Variants in NFIB observed in about 807,000 individuals in gnomAD.
NFIB encodes the protein nuclear factor 1 B-type.
NFIB carries 11 observed loss-of-function variants against 61.5 expected under a neutral mutation model. The observed-to-expected ratio is 0.18, with a 90% CI of 0.11 to 0.30. NFIB has a LOEUF of 0.30. Ranked by LOEUF, NFIB falls within the 10% of genes least tolerant of loss-of-function variation. The pLI is 1.00. For missense variants in NFIB, 471 were observed against 608.9 expected, an observed-to-expected ratio of 0.77 and a Z score of 2.38; for synonymous variants, 260 against 216.5, an observed-to-expected ratio of 1.20 and a Z score of -1.76.
At chr9:14,099,513 C>A (rs73409955) in intron 10 of NFIB, among the ~76,000 whole-genome samples, 3,257 of 152,188 alleles carry the variant, frequency 0.021, 128 homozygotes, top group African/African-American at 0.074. Context: ...ATCATGCCAC[C>A]GACAAGGGCT....
At chr9:14,368,502 G>T (rs969311146) in intron 1 of NFIB, among the ~76,000 whole-genome samples, 3 of 152,228 alleles carry the variant, frequency 2.0e-5, no homozygotes, top group African/African-American at 7.2e-5. Context: ...CAGGCAGACT[G>T]GTTACGGTGC....
At chr9:14,521,721 C>G in the NFIB span, among the ~76,000 whole-genome samples, 2 of 152,234 alleles carry the variant, frequency 1.3e-5, no homozygotes, top group East Asian at 3.9e-4. Context: ...CAAAGAAGCA[C>G]CTTTTGGGAC....
chr9:14,371,667 A>C (rs527953819), intron 1 of NFIB, among the ~76,000 whole-genome samples: 112 of 152,338 alleles, frequency 7.4e-4, no homozygotes, highest in African/African-American at 2.3e-3. Flanking sequence ...ATAGGTTTTT[A>C]CTTTCCCTTG....
chr9:14,280,436 G>A (rs1017312554), intron 2 of NFIB, among the ~76,000 whole-genome samples: 3 of 152,056 alleles, frequency 2.0e-5, no homozygotes, highest in Admixed American at 2.0e-4. Flanking sequence ...GCCTTACCAA[G>A]GAGGACCTAT....
chr9:14,271,990 G>T (rs1293458452), intron 2 of NFIB, among the ~76,000 whole-genome samples: 2 of 152,134 alleles, frequency 1.3e-5, no homozygotes. Context: ...TGAAGTTATT[G>T]CATTTCCTAA....
At chr9:14,295,610 T>G (rs1048195881) in intron 2 of NFIB, among the ~76,000 whole-genome samples, 11 of 150,602 alleles carry the variant, frequency 7.3e-5, no homozygotes, top group South Asian at 4.2e-4. Context: ...CAGCCTGGGC[T>G]ACCCAGCCAG....
intron 2 of NFIB, among the ~76,000 whole-genome samples, chr9:14,229,605 GGAA>G (rs539959042): frequency 6.6e-6 from 1 of 152,084 alleles, no homozygotes; most frequent in Non-Finnish European, 1.5e-5. Flanking sequence ...TTTCTGCTGA[GGAA>G]GAAGAAGAAA....
the NFIB span, among the ~76,000 whole-genome samples, chr9:14,487,255 T>C: frequency 1.3e-5 from 2 of 152,224 alleles, no homozygotes; most frequent in South Asian, 2.1e-4. Context: ...AAGAAATAAA[T>C]GGTTACGGTA....
chr9:14,529,287 A>T, the NFIB span, among the ~76,000 whole-genome samples: 2 of 152,178 alleles, frequency 1.3e-5, no homozygotes, highest in Non-Finnish European at 2.9e-5. Flanking sequence ...TCTAACTGAA[A>T]CAGACAATAA....
intron 2 of NFIB, among the ~76,000 whole-genome samples, chr9:14,231,994 G>C (rs1219483350): frequency 6.6e-6 from 1 of 152,166 alleles, no homozygotes; most frequent in Non-Finnish European, 1.5e-5. Flanking sequence ...AAAGAAACAA[G>C]GTCTTCGCCA....
intron 10 of NFIB, among the ~76,000 whole-genome samples, chr9:14,097,629 C>T (rs911495806): frequency 6.6e-6 from 1 of 152,026 alleles, no homozygotes; most frequent in Non-Finnish European, 1.5e-5. Flanking sequence ...ACACTACATA[C>T]ACACACACAT....
At chr9:14,344,809 G>A (rs141729255) in intron 1 of NFIB, among the ~76,000 whole-genome samples, 34 of 152,122 alleles carry the variant, frequency 2.2e-4, no homozygotes, top group African/African-American at 8.0e-4. Context: ...AGCAAATGAA[G>A]GGCATACATA....
intron 1 of NFIB, among the ~76,000 whole-genome samples, chr9:14,358,655 A>G (rs1330672062): frequency 6.6e-6 from 1 of 152,162 alleles, no homozygotes; most frequent in Non-Finnish European, 1.5e-5. Context: ...TCTAAAAGAA[A>G]CCACACACCC....
In NFIB at chr9:14,307,314, T is replaced by C; in HGVS notation, c.237A>G (p.Lys79=). 1 of 1,613,974 alleles carries C rather than the reference T, an allele frequency of 6.2e-7. No homozygotes were observed. Among genetic ancestry groups the C allele is most frequent in the Non-Finnish European group, 8.5e-7 (1 of 1,179,954 alleles). ...KQKWASRLLA[K]LRKDIRQEYR... Reference sequence around the variant, plus strand: ...ACTCCTGGCGAATATCTTTGCGCAGTTTGGCAAGGAGCCTGGATGCCCACT... The same window carrying C: ...ACTCCTGGCGAATATCTTTGCGCAGCTTGGCAAGGAGCCTGGATGCCCACT... Residue 79 remains lysine (K), a synonymous_variant, in exon 2 of 11, where the codon AAA becomes AAG. Transcript: ENST00000380953. The surrounding 1 kb of genome is among the most constrained non-coding windows in gnomAD (Gnocchi z 5.3).
rs1001757709 is a variant in NFIB at position 14,142,422 on chromosome 9, T to C, written c.925+4267A>G. On this transcript the variant is annotated intron_variant, in intron 6 of 10. Transcript: ENST00000380953. Reference sequence around the variant, plus strand: ...CCAATAAACCTCTTCCTTTTGTAAATTGCCCAGTCTCAAGTAGGTCTTTAT... The same window carrying C: ...CCAATAAACCTCTTCCTTTTGTAAACTGCCCAGTCTCAAGTAGGTCTTTAT... 5.9e-5 allele frequency among the ~76,000 whole-genome samples: 9 copies of C among 152,254 alleles called. No individual in the cohort carries two copies. The East Asian group carries it at 7.7e-4, about 13-fold the overall frequency.
intron 1 of NFIB, among the ~76,000 whole-genome samples, chr9:14,379,282 T>C (rs892610907): frequency 2.0e-5 from 3 of 152,218 alleles, no homozygotes; most frequent in Admixed American, 2.0e-4. Flanking sequence ...GAAGCTTGAC[T>C]GAGCAGGAGT....
chr9:14,294,318 T>C (rs1052606476), intron 2 of NFIB, among the ~76,000 whole-genome samples: 56 of 152,344 alleles, frequency 3.7e-4, no homozygotes, highest in African/African-American at 9.9e-4. Context: ...TAAAGAAATA[T>C]GCAAGCATCT....
At chr9:14,415,596 C>T in the NFIB span, among the ~76,000 whole-genome samples, 36 of 152,192 alleles carry the variant, frequency 2.4e-4, no homozygotes, top group Non-Finnish European at 5.1e-4. Context: ...AATTCATTTT[C>T]TGTTCTAGCC....
At chr9:14,315,612 C>G (rs1046213968), upstream of NFIB, among the ~76,000 whole-genome samples, 3 of 146,682 alleles carry the variant, frequency 2.0e-5, no homozygotes, top group Non-Finnish European at 4.5e-5. Context: ...CCGCTCGGCG[C>G]CCGCGCCGGC....
Sources: gnomAD v4.1 joint callset for allele counts (sites outside exome capture counted in the v4.1 genomes callset) on GRCh38, gnomAD v4.1.1 for gene constraint, Gnocchi (gnomAD v3.1) non-coding constraint, MANE v1.5 for transcripts, NCBI Gene and HGNC (gene_info 2026-07-23, HGNC 2026-07-21) for gene names.